The following CCDC149 variants were observed in gnomAD, a reference collection of about 807,000 sequenced individuals.
CCDC149 encodes the protein coiled-coil domain-containing protein 149.
Under a neutral mutation model 59.9 loss-of-function variants are expected in CCDC149, and 45 were observed. The observed-to-expected ratio is 0.75, with a 90% CI of 0.59 to 0.96. CCDC149 has a LOEUF of 0.96. Among genes scored for constraint, CCDC149 ranks in the 40% least tolerant of loss-of-function variants. The pLI, the probability that CCDC149 is intolerant of heterozygous loss-of-function variation, is 0.00. For synonymous variants in CCDC149, 245 were observed against 260.6 expected (o/e 0.94, Z 0.58); for missense variants, 584 against 664.7 (o/e 0.88, Z 1.33).
rs558699228 is a variant in CCDC149, at chr4:24,966,076, G to A, written c.-65+13993C>T. Among the ~76,000 whole-genome samples, 52 of 152,220 alleles carry A rather than the reference G, an allele frequency of 3.4e-4. 1 individual carries two copies. Among genetic ancestry groups the A allele is most frequent in the South Asian group, 6.2e-4 (3 of 4,816 alleles). ...TCCAGCTACCCACCACTTGCCCACC[G>A]ACTCCCCTCGGACCTCAGTTGGAAC... On this transcript the variant is annotated intron_variant, in intron 1 of 12. Transcript: ENST00000389609.
chr4:24,916,199 T>C (rs781580179), upstream of CCDC149, among the ~76,000 whole-genome samples: 19 of 152,314 alleles, frequency 1.2e-4, no homozygotes, highest in Middle Eastern at 3.4e-3. Context: ...AATTTTTCCA[T>C]ATATATTCAT....
chr4:24,916,953 G>A (rs1397655022), upstream of CCDC149, among the ~76,000 whole-genome samples: 1 of 152,102 alleles, frequency 6.6e-6, no homozygotes, highest in Non-Finnish European at 1.5e-5. Context: ...TCAGGAGACT[G>A]CAGGTCCTGG....
At chr4:24,866,657 G>A (rs1344126101) in intron 3 of CCDC149, among the ~76,000 whole-genome samples, 12 of 151,894 alleles carry the variant, frequency 7.9e-5, no homozygotes, top group Non-Finnish European at 1.3e-4. Flanking sequence ...CTTCTTTAAC[G>A]GATGATTTGC....
At chr4:24,972,982 T>C (rs560171867) in intron 1 of CCDC149, among the ~76,000 whole-genome samples, 2 of 152,324 alleles carry the variant, frequency 1.3e-5, no homozygotes, top group South Asian at 4.1e-4. Flanking sequence ...TGGGCACCCA[T>C]GAAGCTTCAT....
intron 9 of CCDC149, chr4:24,831,223 C>A (rs1010027785): frequency 1.7e-5 from 4 of 238,298 alleles, no homozygotes; most frequent in South Asian, 1.1e-4. Flanking sequence ...GTCACCCAGG[C>A]GATTATTTTA....
intron 1 of CCDC149, among the ~76,000 whole-genome samples, chr4:24,932,535 G>A (rs1036343503): frequency 1.3e-5 from 2 of 152,146 alleles, no homozygotes; most frequent in African/African-American, 4.8e-5. Flanking sequence ...TTAAATTGAA[G>A]TAAGGAAGTG....
intron 12 of CCDC149, among the ~76,000 whole-genome samples, chr4:24,809,650 C>G (rs901435298): frequency 2.6e-5 from 4 of 152,194 alleles, no homozygotes; most frequent in Non-Finnish European, 5.9e-5. Context: ...TCCCCAGAAG[C>G]CAATCTCTTC....
chr4:24,881,244 A>T (rs1719824671), intron 1 of CCDC149, among the ~76,000 whole-genome samples: 1 of 152,258 alleles, frequency 6.6e-6, no homozygotes, highest in South Asian at 2.1e-4. Flanking sequence ...TAATATTTCT[A>T]GTTCTCCTTT....
At chr4:24,934,012 T>C (rs921203648) in intron 1 of CCDC149, among the ~76,000 whole-genome samples, 1 of 152,210 alleles carries the variant, frequency 6.6e-6, no homozygotes, top group African/African-American at 2.4e-5. Context: ...TCACCCTCCA[T>C]GGTGTCATTC....
At chr4:24,978,769 A>C (rs1724330753) in intron 1 of CCDC149, among the ~76,000 whole-genome samples, 1 of 152,096 alleles carries the variant, frequency 6.6e-6, no homozygotes, top group South Asian at 2.1e-4. Flanking sequence ...AAATGCTGGC[A>C]ATTTTGCCAC....
intron 1 of CCDC149, among the ~76,000 whole-genome samples, chr4:24,926,948 C>T (rs1722449228): frequency 6.6e-6 from 1 of 152,186 alleles, no homozygotes; most frequent in South Asian, 2.1e-4. Context: ...TCCTTACAGG[C>T]AGCACGGCTC....
At chr4:24,943,728 C>T (rs1349692518) in intron 1 of CCDC149, among the ~76,000 whole-genome samples, 1 of 152,142 alleles carries the variant, frequency 6.6e-6, no homozygotes, top group African/African-American at 2.4e-5. Flanking sequence ...AAGAAAAAAA[C>T]AACCCCATCA....
chr4:24,925,001 C>T (rs534077643), intron 1 of CCDC149, among the ~76,000 whole-genome samples: 1 of 152,296 alleles, frequency 6.6e-6, no homozygotes, highest in South Asian at 2.1e-4. Flanking sequence ...CCTGTTACTA[C>T]ATCAGTTATA....
At chr4:24,861,262 TGCAC>T (rs1718362783) in intron 3 of CCDC149, among the ~76,000 whole-genome samples, 2 of 3,054 alleles carry the variant, frequency 6.5e-4, no homozygotes, top group South Asian at 0.025. Context: ...TATATATATA[TGCAC>T]ACACACACAC....
chr4:24,956,455 T>C (rs936265971), intron 1 of CCDC149, among the ~76,000 whole-genome samples: 8 of 152,180 alleles, frequency 5.3e-5, no homozygotes, highest in African/African-American at 1.7e-4. Flanking sequence ...CAGACCTAGG[T>C]AATTTCGGGC....
intron 4 of CCDC149, among the ~76,000 whole-genome samples, chr4:24,846,676 A>C (rs1185975017): frequency 1.3e-5 from 2 of 152,196 alleles, no homozygotes; most frequent in Non-Finnish European, 2.9e-5. Flanking sequence ...ATGACAGATA[A>C]AACAGAGGTA....
intron 1 of CCDC149, among the ~76,000 whole-genome samples, chr4:24,976,578 T>C (rs1354482856): frequency 6.6e-6 from 1 of 152,100 alleles, no homozygotes; most frequent in Non-Finnish European, 1.5e-5. Flanking sequence ...CTGGGCATGG[T>C]GGTGCATGCC....
At chr4:24,843,196 TA>T (rs1717046165) in intron 4 of CCDC149, among the ~76,000 whole-genome samples, 1 of 152,214 alleles carries the variant, frequency 6.6e-6, no homozygotes, top group Non-Finnish European at 1.5e-5. Context: ...ACAGTTGGTA[TA>T]GTTACAATTC....
At chr4:24,846,763 G>T (rs150339327) in intron 4 of CCDC149, among the ~76,000 whole-genome samples, 316 of 152,280 alleles carry the variant, frequency 2.1e-3, no homozygotes, top group African/African-American at 7.4e-3. Flanking sequence ...TATCACAACA[G>T]CTAAATTTAA....
Sources: gnomAD v4.1 joint callset for allele counts (sites outside exome capture counted in the v4.1 genomes callset) on GRCh38, gnomAD v4.1.1 for gene constraint, MANE v1.5 for transcripts, NCBI Gene and HGNC (gene_info 2026-07-23, HGNC 2026-07-21) for gene names.